Variants in KCNH3 observed in about 807,000 individuals in gnomAD.
KCNH3 encodes the protein voltage-gated inwardly rectifying potassium channel KCNH3.
A neutral mutation model predicts 95.6 loss-of-function variants in KCNH3; 36 were observed. The ratio of observed to expected loss-of-function variants is 0.38; its 90% confidence interval spans 0.29 to 0.50. The LOEUF (loss-of-function observed/expected upper bound fraction) is 0.50, where lower values mean the gene tolerates loss of function less well. Among genes scored for constraint, KCNH3 ranks in the 20% least tolerant of loss-of-function variants. The pLI is 0.95. For synonymous variants in KCNH3, 620 were observed against 646.3 expected (o/e 0.96, Z 0.62); for missense variants, 1,030 against 1,484.1 (o/e 0.69, Z 5.03).
At chr12:49,542,608 A>G (rs1937907957) in intron 3 of KCNH3, 98 bp from the exon 4 acceptor site, 1 of 1,376,970 alleles carries the variant, frequency 7.3e-7, no homozygotes, top group Non-Finnish European at 9.7e-7. Context: ...AATGAGCCAG[A>G]CCAGTCCATG....
At chr12:49,543,558 C>T (rs370084652) in intron 5 of KCNH3, 40 bp downstream of exon 5, 72 of 1,574,014 alleles carry the variant, frequency 4.6e-5, no homozygotes, top group Non-Finnish European at 5.4e-5. Context: ...CCTTTGCTGG[C>T]GCCCTGGGGC....
At chr12:49,550,043 T>TGCCCCCCCCCCCCCCCCC in intron 9 of KCNH3, 37 bp from the exon 10 acceptor site, 1 of 1,299,542 alleles carries the variant, frequency 7.7e-7, no homozygotes, top group Non-Finnish European at 1.1e-6. Flanking sequence ...CTTCTGCCAC[T>TGCCCCCCCCCCCCCCCCC]CCCAACCCCC....
intron 7 of KCNH3, among the ~76,000 whole-genome samples, chr12:49,548,475 G>C (rs2138151093): frequency 1.3e-5 from 2 of 152,304 alleles, no homozygotes; most frequent in East Asian, 3.9e-4. Context: ...GGAGTTGATG[G>C]GCTCAGAGAA....
chr12:49,555,922 A>C lies in KCNH3; in HGVS notation c.2439A>C (p.Pro813=). The C allele has an allele frequency of 6.4e-7, 1 of 1,573,074 alleles. No individual in the cohort carries two copies. Among genetic ancestry groups the C allele is most frequent in the Non-Finnish European group, 8.7e-7 (1 of 1,152,484 alleles). ...AGGGGCTACGGCTGCCCCCCATGCC[A>C]TGGAATGTGCCCCCAGATCTGAGCC... ...ALEGLRLPPM[P]WNVPPDLSPR... Residue 813 remains proline (P), a synonymous_variant, in exon 12 of 15, where the codon CCA becomes CCC. Coordinates refer to ENST00000257981, the MANE Select transcript of KCNH3 (RefSeq NM_012284.3).
At chr12:49,550,422 G>C in intron 10 of KCNH3, 93 bp downstream of exon 10, 1 of 1,451,174 alleles carries the variant, frequency 6.9e-7, no homozygotes, top group African/African-American at 1.4e-5. Context: ...CCTCCACAAG[G>C]CCACTGAGAG....
At position 49,555,830 on chromosome 12, in the gene KCNH3, G is replaced by A. The variant is rs1340062227; in HGVS notation, c.2347G>A (p.Gly783Arg). The change falls in exon 12 of 15, where the codon GGG (glycine) becomes AGG (arginine). Residue 783 changes from glycine (G) to arginine (R), a missense_variant. Gly to Arg is a moderately radical substitution (Grantham distance 125, BLOSUM62 -2). Around this residue, in one of 9 missense-constraint regions of KCNH3, gnomAD observed 464 missense variants for 493.2 expected, o/e 0.94. Transcript: ENST00000257981. ...ACCCCGGCCTCGTCTAGGTGGCAGA[G>A]GGAGGCCAGGCAGGGCAGGGGCTTT... ...TAPRPRLGGR[G>R]RPGRAGALKA... The A allele has an allele frequency of 2.5e-6, 4 of 1,613,216 alleles. No individual in the cohort carries two copies. In the African/African-American group the frequency reaches 5.3e-5, roughly 22 times the overall value.
intron 13 of KCNH3, 47 bp downstream of exon 13, chr12:49,556,523 C>A: frequency 7.6e-7 from 1 of 1,316,032 alleles, no homozygotes; most frequent in African/African-American, 1.4e-5. Context: ...AGCCCCTTTG[C>A]CTTGTGAACC....
intron 7 of KCNH3, among the ~76,000 whole-genome samples, chr12:49,545,341 C>T (rs1164668392): frequency 6.6e-6 from 1 of 152,038 alleles, no homozygotes; most frequent in East Asian, 1.9e-4. Flanking sequence ...CCTCCCCAGC[C>T]CTCCAGCCCT....
chr12:49,542,347 G>A (rs1244894725), intron 3 of KCNH3, among the ~76,000 whole-genome samples: 6 of 152,204 alleles, frequency 3.9e-5, no homozygotes, highest in Non-Finnish European at 5.9e-5. Flanking sequence ...CTGGGCTCCT[G>A]CTGTAAGTTC....
chr12:49,546,063 C>T (rs1436170313), intron 7 of KCNH3: 1 of 152,100 alleles, frequency 6.6e-6, no homozygotes, highest in African/African-American at 2.4e-5. Flanking sequence ...TAGGTCCACT[C>T]CCGCCCCCTG....
chr12:49,546,665 G>A (rs748501592), intron 7 of KCNH3, among the ~76,000 whole-genome samples: 1 of 152,106 alleles, frequency 6.6e-6, no homozygotes, highest in Non-Finnish European at 1.5e-5. Context: ...CCAGCCTCCG[G>A]GACAGCTCCT....
At chr12:49,544,141 T>TCCCGA in intron 6 of KCNH3, 34 bp from the exon 7 acceptor site, 4 of 1,413,414 alleles carry the variant, frequency 2.8e-6, no homozygotes, top group Non-Finnish European at 3.9e-6. Context: ...CCCGCTGACC[T>TCCCGA]CCCTCCCTCC....
In KCNH3 at chr12:49,541,085, A is replaced by C. The variant is rs1217054607; in HGVS notation, c.263A>C (p.Asp88Ala). 1 of 1,611,112 alleles carries C rather than the reference A, an allele frequency of 6.2e-7. No homozygotes were observed. The highest frequency in any genetic ancestry group is 1.7e-5 in the Admixed American group (1 of 60,032). The change falls in exon 2 of 15, where the codon GAC becomes GCC. Residue 88 changes from aspartate to alanine, a missense_variant. Coordinates refer to ENST00000257981, the MANE Select transcript of KCNH3 (RefSeq NM_012284.3). The part of the protein sequence containing the change: ...LVRQQIRKAL[D>A]EHKEFKAELI... ...CGCCAACAGATCCGCAAGGCCCTGG[A>C]CGAGCACAAGGAGTTCAAGGCTGAG...
At chr12:49,548,815 C>A in intron 7 of KCNH3, 80 bp from the exon 8 acceptor site, 1 of 1,411,858 alleles carries the variant, frequency 7.1e-7, no homozygotes, top group Non-Finnish European at 9.5e-7. Context: ...GGGTCTGTGT[C>A]TGCGTGTCCC....
At chr12:49,550,031 C>A in intron 9 of KCNH3, 49 bp from the exon 10 acceptor site, 1 of 1,524,934 alleles carries the variant, frequency 6.6e-7, no homozygotes, top group Non-Finnish European at 8.8e-7. Context: ...AGGCCACCTC[C>A]TCTTCTGCCA....
At chr12:49,554,594 C>G in intron 11 of KCNH3, 40 bp downstream of exon 11, 1 of 1,549,848 alleles carries the variant, frequency 6.5e-7, no homozygotes, top group Non-Finnish European at 8.8e-7. Context: ...GATGGGGGTG[C>G]CAGGGAGCCT....
intron 14 of KCNH3, 21 bp downstream of exon 14, chr12:49,557,280 A>T (rs1053449433): frequency 2.5e-6 from 4 of 1,613,600 alleles, no homozygotes; most frequent in Non-Finnish European, 2.5e-6. Flanking sequence ...GGGAAGGTGG[A>T]GGTGAGGGGG....
intron 10 of KCNH3, among the ~76,000 whole-genome samples, chr12:49,550,724 C>G (rs1225028540): frequency 3.9e-5 from 6 of 152,128 alleles, no homozygotes; most frequent in Non-Finnish European, 1.5e-5. Context: ...CCCCCAGGAA[C>G]AGTGAGATGT....
intron 9 of KCNH3, 143 bp from the exon 10 acceptor site, chr12:49,549,937 G>T: frequency 1.1e-6 from 1 of 895,710 alleles, no homozygotes; most frequent in East Asian, 2.7e-5. Context: ...CCTGTGTGGA[G>T]CTTGGAGTTG....
Sources: allele counts gnomAD v4.1 joint callset (sites outside exome capture counted in the v4.1 genomes callset), GRCh38; gene constraint gnomAD v4.1.1; regional missense constraint gnomAD v4.1.1; transcripts MANE v1.5; gene names NCBI Gene and HGNC (gene_info 2026-07-23, HGNC 2026-07-21).